VPS13B: variants seen among roughly 807,000 people sequenced by gnomAD.
VPS13B encodes vacuolar protein sorting 13 homolog B.
In VPS13B, 285 loss-of-function variants were observed where a neutral mutation model predicts 426.4. That is an observed-to-expected ratio of 0.67 (90% confidence interval 0.61 to 0.74). VPS13B has a LOEUF of 0.74. VPS13B is among the 30% of genes least tolerant of loss of function. The probability of loss-of-function intolerance (pLI) is 0.00; values close to 1 mark genes in which losing one functional copy is unlikely to be tolerated. For synonymous variants in VPS13B, 1,676 were observed against 1,676.4 expected (o/e 1.00, Z 0.01); for missense variants, 4,537 against 4,782.6 (o/e 0.95, Z 1.51).
intron 2 of VPS13B, among the ~76,000 whole-genome samples, chr8:99,032,654 C>T (rs1287438142): frequency 8.0e-5 from 12 of 150,882 alleles, no homozygotes; most frequent in African/African-American, 4.9e-5. Flanking sequence ...CTCAGCCTCC[C>T]GAGTAGCTGG....
intron 61 of VPS13B, chr8:99,874,929 C>T (rs142267689): frequency 7.9e-4 from 125 of 158,394 alleles, no homozygotes; most frequent in Non-Finnish European, 1.3e-3. Context: ...TTTAATGCTC[C>T]GTCCAAAGCC....
At chr8:99,262,960 A>C (rs2132955369) in intron 17 of VPS13B, among the ~76,000 whole-genome samples, 1 of 152,072 alleles carries the variant, frequency 6.6e-6, no homozygotes, top group South Asian at 2.1e-4. Context: ...TTTTTTGTAG[A>C]GATGGGGTCC....
At chr8:99,717,670 C>T (rs920789063) in intron 37 of VPS13B, among the ~76,000 whole-genome samples, 2 of 152,204 alleles carry the variant, frequency 1.3e-5, no homozygotes, top group South Asian at 2.1e-4. Context: ...CATTAGCAGC[C>T]ACTCACATTA....
At chr8:99,369,094 C>T (rs1393810210) in intron 19 of VPS13B, among the ~76,000 whole-genome samples, 2 of 152,112 alleles carry the variant, frequency 1.3e-5, no homozygotes, top group African/African-American at 4.8e-5. Flanking sequence ...CATGTTAACC[C>T]TACCCTTTCC....
intron 21 of VPS13B, among the ~76,000 whole-genome samples, chr8:99,423,892 TG>T (rs1816526197): frequency 6.6e-6 from 1 of 152,166 alleles, no homozygotes; most frequent in African/African-American, 2.4e-5. Flanking sequence ...TACGTTGATT[TG>T]GGGTGGAGAG....
chr8:99,823,788 C>G, intron 50 of VPS13B, 44 bp from the exon 51 acceptor site: 2 of 1,589,170 alleles, frequency 1.3e-6, no homozygotes, highest in Non-Finnish European at 1.7e-6. Flanking sequence ...TTTTGATATG[C>G]CTTACAGTAT....
At chr8:99,443,434 A>G (rs542804345) in intron 23 of VPS13B, among the ~76,000 whole-genome samples, 5 of 152,208 alleles carry the variant, frequency 3.3e-5, no homozygotes, top group East Asian at 1.9e-4. Flanking sequence ...CCTTTTCTCT[A>G]TACTGAAATT....
chr8:99,824,768 C>T (rs999548167), intron 51 of VPS13B, among the ~76,000 whole-genome samples: 1 of 152,098 alleles, frequency 6.6e-6, no homozygotes, highest in Non-Finnish European at 1.5e-5. Context: ...GATGTCCCCC[C>T]TCCCTGTGCC....
chr8:99,719,349 T>A (rs1034654590), intron 37 of VPS13B, among the ~76,000 whole-genome samples: 1 of 152,190 alleles, frequency 6.6e-6, no homozygotes, highest in African/African-American at 2.4e-5. Context: ...CTACTCCCCG[T>A]TTGACTTTTC....
At chr8:99,648,670 C>G (rs1412492857) in intron 34 of VPS13B, among the ~76,000 whole-genome samples, 1 of 152,074 alleles carries the variant, frequency 6.6e-6, no homozygotes, top group African/African-American at 2.4e-5. Flanking sequence ...TTACTGTCTT[C>G]CATTTATAAT....
intron 31 of VPS13B, among the ~76,000 whole-genome samples, chr8:99,573,516 A>G (rs1362084011): frequency 2.0e-5 from 3 of 152,182 alleles, no homozygotes; most frequent in East Asian, 3.8e-4. Context: ...CTTTCTACAT[A>G]TGGCTAGCCA....
chr8:99,470,408 A>G (rs990631082), intron 24 of VPS13B, among the ~76,000 whole-genome samples: 3 of 152,172 alleles, frequency 2.0e-5, no homozygotes, highest in African/African-American at 4.8e-5. Context: ...AGGAAAGCAT[A>G]CTAAATGAAA....
At chr8:99,046,671 C>G (rs1016612640) in intron 3 of VPS13B, among the ~76,000 whole-genome samples, 2 of 152,124 alleles carry the variant, frequency 1.3e-5, no homozygotes, top group Non-Finnish European at 2.9e-5. Context: ...ATTACGTTGG[C>G]TGTGGGTTTG....
intron 21 of VPS13B, among the ~76,000 whole-genome samples, chr8:99,407,957 A>T (rs886501428): frequency 6.6e-6 from 1 of 152,186 alleles, no homozygotes; most frequent in African/African-American, 2.4e-5. Context: ...GATGAGGATG[A>T]GATTCCCTTC....
At chr8:99,483,171 C>T (rs1820132641) in intron 25 of VPS13B, among the ~76,000 whole-genome samples, 2 of 152,148 alleles carry the variant, frequency 1.3e-5, no homozygotes, top group Non-Finnish European at 2.9e-5. Flanking sequence ...GCATTTAACA[C>T]TTTAGAGTAC....
chr8:99,634,237 C>T (rs1563835779), intron 33 of VPS13B, among the ~76,000 whole-genome samples: 1 of 151,838 alleles, frequency 6.6e-6, no homozygotes, highest in Non-Finnish European at 1.5e-5. Flanking sequence ...TTTAGTTTAT[C>T]ATATTGAAAT....
At chr8:99,428,815 A>G (rs1167693673) in intron 21 of VPS13B, among the ~76,000 whole-genome samples, 1 of 152,158 alleles carries the variant, frequency 6.6e-6, no homozygotes, top group Non-Finnish European at 1.5e-5. Flanking sequence ...ATGCTGCTAT[A>G]AAGACACATG....
chr8:99,438,433 T>C (rs1247330938), intron 22 of VPS13B, among the ~76,000 whole-genome samples: 3 of 152,168 alleles, frequency 2.0e-5, no homozygotes, highest in Middle Eastern at 3.2e-3. Context: ...AAAAGTAAGA[T>C]TTTATATTTA....
In VPS13B at chr8:99,699,584, G is replaced by A. The variant is rs775482916; in HGVS notation, c.6106G>A (p.Asp2036Asn). ...AGCAAACCTGAGTTTCACCAAACTG[G>A]ATCAGATAAACCTTTTTTTAAAGAA... ...LKANLSFTKL[D>N]QINLFLKKIK... Residue 2036 changes from aspartate to asparagine, a missense_variant, in exon 36 of 62, where the codon GAT becomes AAT. Around this residue, in one of 2 missense-constraint regions of VPS13B, gnomAD observed 4,311 missense variants for 4,474.3 expected, o/e 0.96. Transcript: ENST00000357162. 2 of 1,613,930 alleles carry A rather than the reference G, an allele frequency of 1.2e-6. No individual in the cohort carries two copies. The highest frequency in any genetic ancestry group is 1.3e-5 in the African/African-American group (1 of 74,918).
Sources: gnomAD v4.1 joint callset for allele counts (sites outside exome capture counted in the v4.1 genomes callset) on GRCh38, gnomAD v4.1.1 for gene constraint, gnomAD v4.1.1 regional missense constraint, MANE v1.5 for transcripts, NCBI Gene and HGNC (gene_info 2026-07-23, HGNC 2026-07-21) for gene names.